Variants in GJB7 observed in about 807,000 individuals in gnomAD.
GJB7 encodes the protein gap junction beta-7 protein.
For synonymous variants in GJB7, 87 were observed against 95.2 expected (o/e 0.91, Z 0.50); for missense variants, 253 against 256.8 (o/e 0.99, Z 0.10).
chr6:87,294,451 C>T (rs1776221446), intron 2 of GJB7, among the ~76,000 whole-genome samples: 1 of 152,232 alleles, frequency 6.6e-6, no homozygotes, highest in Non-Finnish European at 1.5e-5. Context: ...ATGAGAAGAA[C>T]ATGGTCAAGG....
chr6:87,317,588 C>T (rs1776601570), intron 2 of GJB7, among the ~76,000 whole-genome samples: 1 of 151,998 alleles, frequency 6.6e-6, no homozygotes. Flanking sequence ...CGCCACCATG[C>T]CCAGTTAATT....
chr6:87,291,938 T>C (rs980237109), intron 2 of GJB7: 1 of 152,240 alleles, frequency 6.6e-6, no homozygotes, highest in Non-Finnish European at 1.5e-5. Flanking sequence ...CTTACCTCTT[T>C]ACACAGATGT....
chr6:87,303,654 T>A (rs1413339422), intron 2 of GJB7, among the ~76,000 whole-genome samples: 1 of 152,180 alleles, frequency 6.6e-6, no homozygotes, highest in East Asian at 1.9e-4. Context: ...GGAACTGAAC[T>A]CAGCTCTGCA....
At chr6:87,313,981 A>C (rs1215807253) in intron 2 of GJB7, among the ~76,000 whole-genome samples, 5 of 152,306 alleles carry the variant, frequency 3.3e-5, no homozygotes, top group Non-Finnish European at 5.9e-5. Context: ...GATGTTTTGG[A>C]CCAATTGACA....
chr6:87,327,304 G>A (rs1278602762), intron 1 of GJB7, among the ~76,000 whole-genome samples: 2 of 150,714 alleles, frequency 1.3e-5, no homozygotes, highest in African/African-American at 4.9e-5. Context: ...ATTTGATCCT[G>A]TCATTATGTT....
At chr6:87,296,471 C>A (rs986042513) in intron 2 of GJB7, among the ~76,000 whole-genome samples, 2 of 152,138 alleles carry the variant, frequency 1.3e-5, no homozygotes, top group African/African-American at 4.8e-5. Flanking sequence ...GTAATGATCT[C>A]CCATCTAGAG....
chr6:87,296,716 C>A (rs1776252929), intron 2 of GJB7, among the ~76,000 whole-genome samples: 1 of 152,150 alleles, frequency 6.6e-6, no homozygotes, highest in Non-Finnish European at 1.5e-5. Context: ...AACTATTACT[C>A]TTTTGTTCCT....
Position 87,309,387 on chromosome 6 carries a change from C to T in GJB7, c.-28+13479G>A, listed in dbSNP as rs573320622. 2.6e-5 allele frequency among the ~76,000 whole-genome samples: 4 copies of T among 152,356 alleles called. No homozygotes were observed. The East Asian group carries it at 7.7e-4, about 29-fold the overall frequency. On this transcript the variant is annotated intron_variant, in intron 2 of 2. Transcript: ENST00000525899. ...TTGAGTTCCAGCCTTCCAGAGTCTT[C>T]CCTGCCTGACTGCCTGCATCGTGGA...
intron 1 of GJB7, among the ~76,000 whole-genome samples, chr6:87,326,441 C>T (rs1031075948): frequency 6.6e-6 from 1 of 152,098 alleles, no homozygotes; most frequent in African/African-American, 2.4e-5. Flanking sequence ...GCTTTGAATG[C>T]ATCCCAGAGA....
chr6:87,326,478 G>A (rs192659247), intron 1 of GJB7, among the ~76,000 whole-genome samples: 46 of 151,992 alleles, frequency 3.0e-4, no homozygotes, highest in African/African-American at 8.0e-4. Context: ...CTTTGTTCTC[G>A]TTGGTTTCAA....
At chr6:87,285,386 T>G (rs984999939) in intron 2 of GJB7, among the ~76,000 whole-genome samples, 1 of 152,222 alleles carries the variant, frequency 6.6e-6, no homozygotes, top group African/African-American at 2.4e-5. Context: ...AATTCGTTAA[T>G]GCCCTTCCCA....
chr6:87,293,179 G>T (rs1362598276), intron 2 of GJB7, among the ~76,000 whole-genome samples: 1 of 152,054 alleles, frequency 6.6e-6, no homozygotes, highest in East Asian at 1.9e-4. Context: ...CTACAGGCAC[G>T]CGCCACCACG....
chr6:87,316,615 G>A (rs767725053), intron 2 of GJB7, among the ~76,000 whole-genome samples: 44 of 152,170 alleles, frequency 2.9e-4, no homozygotes, highest in African/African-American at 9.9e-4. Context: ...AAGCCACTGG[G>A]GCATTAATCT....
Position 87,284,349 on chromosome 6 carries a change from G to C in GJB7, c.564C>G (p.Cys188Trp). ...IFILFLVITS[C>W]LCIVLNFIEL... ...CAATGAAATTCAACACAATACACAAGCATGAGGTGATGACCAAGAAGAGGA... is the reference window on the plus strand; with the variant it reads ...CAATGAAATTCAACACAATACACAACCATGAGGTGATGACCAAGAAGAGGA... The change falls in exon 3 of 3, where the codon TGC becomes TGG. Residue 188 changes from cysteine (C) to tryptophan (W), a missense_variant. By Grantham distance (215) the Cys-to-Trp change is radical. Coordinates refer to ENST00000525899, the MANE Select transcript of GJB7 (RefSeq NM_198568.3). The C allele has an allele frequency of 6.2e-7, 1 of 1,613,988 alleles. No homozygotes were observed. Among genetic ancestry groups the C allele is most frequent in the South Asian group, 1.1e-5 (1 of 91,074 alleles).
intron 2 of GJB7, among the ~76,000 whole-genome samples, chr6:87,293,278 C>T (rs2127899876): frequency 6.6e-6 from 1 of 152,322 alleles, no homozygotes; most frequent in African/African-American, 2.4e-5. Context: ...ATCTGCCCGC[C>T]TCGGCCTCCC....
At chr6:87,284,971 T>C (rs1240580164) in intron 2 of GJB7, 32 bp from the exon 3 acceptor site, 2 of 1,306,020 alleles carry the variant, frequency 1.5e-6, no homozygotes, top group African/African-American at 1.5e-5. Flanking sequence ...TCAGGATCCA[T>C]TTATTTCTAT....
At chr6:87,318,215 A>G (rs368956458) in intron 2 of GJB7, among the ~76,000 whole-genome samples, 1 of 151,822 alleles carries the variant, frequency 6.6e-6, no homozygotes, top group Non-Finnish European at 1.5e-5. Context: ...ACAGCTATAC[A>G]GTTTTCAAAA....
intron 2 of GJB7, among the ~76,000 whole-genome samples, chr6:87,291,344 C>G (rs1015188293): frequency 6.6e-6 from 1 of 152,150 alleles, no homozygotes; most frequent in Non-Finnish European, 1.5e-5. Context: ...CACTTCGACA[C>G]TAGGAATCCA....
chr6:87,313,692 CTA>C (rs1178192067), intron 2 of GJB7, among the ~76,000 whole-genome samples: 1 of 152,090 alleles, frequency 6.6e-6, no homozygotes, highest in African/African-American at 2.4e-5. Flanking sequence ...AAAGTAGAAA[CTA>C]TGTAATAAAA....
Sources: allele counts gnomAD v4.1 joint callset (sites outside exome capture counted in the v4.1 genomes callset), GRCh38; gene constraint gnomAD v4.1.1; transcripts MANE v1.5; gene names NCBI Gene and HGNC (gene_info 2026-07-23, HGNC 2026-07-21).